Variants in AKT2 observed in about 807,000 individuals in gnomAD.
The protein encoded by AKT2 is RAC-beta serine/threonine-protein kinase.
In AKT2, 16 loss-of-function variants were observed where a neutral mutation model predicts 58.6. The ratio of observed to expected loss-of-function variants is 0.27; its 90% confidence interval spans 0.18 to 0.41. The LOEUF is 0.41. AKT2 is among the 10% of genes least tolerant of loss of function. The probability of loss-of-function intolerance (pLI) is 1.00; values close to 1 mark genes in which losing one functional copy is unlikely to be tolerated. For missense variants in AKT2, 438 were observed against 661.0 expected, an observed-to-expected ratio of 0.66 and a Z score of 3.70; for synonymous variants, 253 against 254.0, an observed-to-expected ratio of 1.00 and a Z score of 0.04.
At position 40,242,467 on chromosome 19, in the gene AKT2, G is replaced by A. The variant is rs1974472238; in HGVS notation, c.441+67C>T. Reference sequence around the variant, plus strand: ...TGAACTGTGTTATGGAAACCAAGGAGAGCAGGCCAGCACTGGGGGTGGGGG... The same window carrying A: ...TGAACTGTGTTATGGAAACCAAGGAAAGCAGGCCAGCACTGGGGGTGGGGG... On this transcript the variant is annotated intron_variant, in intron 5 of 13. Transcript: ENST00000392038. This position sits in a 1 kb window ranked among gnomAD's most constrained non-coding sequence, Gnocchi z 4.3. The A allele has an allele frequency of 1.7e-5, 28 of 1,602,514 alleles. No homozygotes were observed. Among genetic ancestry groups the A allele is most frequent in the Non-Finnish European group, 2.2e-5 (26 of 1,174,414 alleles).
intron 1 of AKT2, among the ~76,000 whole-genome samples, chr19:40,273,991 G>A (rs2077265053): frequency 6.6e-6 from 1 of 152,004 alleles, no homozygotes; most frequent in South Asian, 2.1e-4. Flanking sequence ...CCTTCTCCTG[G>A]CCCCATGAAG....
intron 2 of AKT2, among the ~76,000 whole-genome samples, chr19:40,262,756 G>T (rs565056322): frequency 3.9e-4 from 59 of 152,312 alleles, no homozygotes; most frequent in Middle Eastern, 3.4e-3. Flanking sequence ...GCTCCACAGG[G>T]CATCTATAAA....
At chr19:40,253,184 C>T (rs1295727565) in intron 4 of AKT2, among the ~76,000 whole-genome samples, 1 of 152,178 alleles carries the variant, frequency 6.6e-6, no homozygotes, top group Middle Eastern at 3.2e-3. Context: ...GCAATCGGCA[C>T]AGGCAATTGG....
rs557611072 is a variant in AKT2 at position 40,232,114 on chromosome 19, G to A, written c.*1758C>T. 3.1e-3 allele frequency: 722 copies of A among 233,380 alleles called. 1 individual carries two copies. The highest frequency in any genetic ancestry group is 4.6e-3 in the Non-Finnish European group (549 of 118,324). The allele number at this position is 233,380 out of a possible 1,614,324, so 14.5% of individuals were successfully genotyped here. On this transcript the variant is annotated 3_prime_UTR_variant, in exon 14 of 14. Coordinates refer to ENST00000392038, the MANE Select transcript of AKT2 (RefSeq NM_001626.6). ...TCTGTCCACCCCACCCCCACATGCG[G>A]GGAGCCTTCCCATACCCCTCAGCCC...
At chr19:40,279,776 C>G (rs75018496) in intron 1 of AKT2, 11,387 of 152,288 alleles carry the variant, frequency 0.075, 464 homozygotes, top group Middle Eastern at 0.15. Flanking sequence ...TCTCTGGAAG[C>G]CCAGATTCAT....
intron 4 of AKT2, among the ~76,000 whole-genome samples, chr19:40,253,177 A>G (rs1487278504): frequency 2.0e-5 from 3 of 152,190 alleles, no homozygotes; most frequent in East Asian, 3.8e-4. Flanking sequence ...AGCACAGGCA[A>G]TCGGCACAGG....
chr19:40,266,570 T>A lies in AKT2; in HGVS notation c.-84-1219A>T, dbSNP rs372825307. ...AATGATGCGAGGCTGGGAGCAGCAA[T>A]AAGGGGCTCCCCTTGCCAGCAACAT... On this transcript the variant is annotated intron_variant, in intron 1 of 13. Transcript: ENST00000392038. 5.3e-5 allele frequency among the ~76,000 whole-genome samples: 8 copies of A among 152,236 alleles called. 1 individual carries two copies. The highest frequency in any genetic ancestry group is 1.9e-4 in the African/African-American group (8 of 41,542).
chr19:40,268,683 C>G (rs1421994701), intron 1 of AKT2: 1 of 152,686 alleles, frequency 6.5e-6, no homozygotes, highest in Non-Finnish European at 1.5e-5. Flanking sequence ...GGAGTCAGCA[C>G]AGCTGGAGGG....
intron 1 of AKT2, among the ~76,000 whole-genome samples, chr19:40,284,329 A>C (rs901766412): frequency 7.2e-5 from 11 of 152,152 alleles, no homozygotes; most frequent in Non-Finnish European, 2.9e-5. Flanking sequence ...AGGCTCAGAC[A>C]ACTTCAGTGA....
Position 40,255,269 on chromosome 19 carries a change from T to G in AKT2, c.176A>C (p.Glu59Ala). 2 of 1,613,382 alleles carry G rather than the reference T, an allele frequency of 1.2e-6. No individual in the cohort carries two copies. The highest frequency in any genetic ancestry group is 1.7e-6 in the Non-Finnish European group (2 of 1,179,396). Residue 59 changes from glutamate (E) to alanine (A), a missense_variant and splice_region_variant, in exon 4 of 14, where the codon GAA becomes GCA. Physicochemically the swap from Glu to Ala is moderately radical, Grantham distance 107. This residue lies in a region of AKT2 where 244 missense variants were observed against 347.1 expected (regional missense o/e 0.70). Coordinates refer to ENST00000392038, the MANE Select transcript of AKT2 (RefSeq NM_001626.6). ...CCTCTCGGTCTTCATCAGCTGGCATTCTGCAGGCAGAGGGAACAGACAGCA... is the reference window on the plus strand; with the variant it reads ...CCTCTCGGTCTTCATCAGCTGGCATGCTGCAGGCAGAGGGAACAGACAGCA... Reference protein sequence around the residue: ...LPPLNNFSVAECQLMKTERPR... With the variant: ...LPPLNNFSVAACQLMKTERPR...
rs1568526119 is a variant in AKT2, at chr19:40,240,095, T to C, written c.589A>G (p.Thr197Ala). Residue 197 changes from threonine to alanine, a missense_variant, in exon 7 of 14, where the codon ACA (threonine) becomes GCA (alanine). Physicochemically the swap from Thr to Ala is moderately conservative, Grantham distance 58. Coordinates refer to ENST00000392038, the MANE Select transcript of AKT2 (RefSeq NM_001626.6). ...VIIAKDEVAH[T>A]VTESRVLQNT... Reference sequence around the variant, plus strand: ...TGGAGGACCCGGCTCTCGGTGACTGTGTGAGCGACTTCATCCTGCAGACAG... The same window carrying C: ...TGGAGGACCCGGCTCTCGGTGACTGCGTGAGCGACTTCATCCTGCAGACAG... 1.2e-6 allele frequency: 2 copies of C among 1,613,988 alleles called. No homozygotes were observed. Among genetic ancestry groups the C allele is most frequent in the East Asian group, 2.2e-5 (1 of 44,870 alleles).
At chr19:40,251,346 G>A (rs1221078124) in intron 4 of AKT2, among the ~76,000 whole-genome samples, 1 of 152,154 alleles carries the variant, frequency 6.6e-6, no homozygotes, top group Non-Finnish European at 1.5e-5. Flanking sequence ...GACTATTCAT[G>A]AACAAATGGA....
intron 1 of AKT2, among the ~76,000 whole-genome samples, chr19:40,276,855 G>A (rs1312809653): frequency 6.6e-6 from 1 of 152,058 alleles, no homozygotes; most frequent in African/African-American, 2.4e-5. Context: ...CATCTCTACT[G>A]AAAATTGTTT....
At chr19:40,246,175 T>A (rs1974743061) in intron 4 of AKT2, among the ~76,000 whole-genome samples, 1 of 152,060 alleles carries the variant, frequency 6.6e-6, no homozygotes, top group South Asian at 2.1e-4. Context: ...TTTCTTTTTG[T>A]TTTTGGAGAC....
At chr19:40,273,885 C>T (rs11669332) in intron 1 of AKT2, among the ~76,000 whole-genome samples, 17,312 of 152,154 alleles carry the variant, frequency 0.11, 1,431 homozygotes, top group African/African-American at 0.23. Context: ...CCATGGATCA[C>T]GTCCAAGGCC....
chr19:40,261,405 C>T (rs1303836837), intron 2 of AKT2, among the ~76,000 whole-genome samples: 1 of 151,810 alleles, frequency 6.6e-6, no homozygotes, highest in Non-Finnish European at 1.5e-5. Flanking sequence ...TGGTGGCACA[C>T]GCCTGTAATC....
At chr19:40,241,848 G>C in intron 6 of AKT2, 90 bp downstream of exon 6, 1 of 1,580,752 alleles carries the variant, frequency 6.3e-7, no homozygotes, top group South Asian at 1.1e-5. Context: ...CACAGCAGCA[G>C]AAAGCGCGGG....
intron 4 of AKT2, among the ~76,000 whole-genome samples, chr19:40,244,933 C>T (rs1248598130): frequency 6.6e-6 from 1 of 152,252 alleles, no homozygotes; most frequent in Non-Finnish European, 1.5e-5. Flanking sequence ...GAAACTACTT[C>T]TATTTCCATC....
chr19:40,257,162 G>A, intron 2 of AKT2, 108 bp from the exon 3 acceptor site: 2 of 1,433,328 alleles, frequency 1.4e-6, no homozygotes, highest in Non-Finnish European at 1.9e-6. Context: ...GGGTACCACG[G>A]GGCGGGGAGG....
Sources: gnomAD v4.1 joint callset for allele counts (sites outside exome capture counted in the v4.1 genomes callset) on GRCh38, gnomAD v4.1.1 for gene constraint, gnomAD v4.1.1 regional missense constraint, Gnocchi (gnomAD v3.1) non-coding constraint, MANE v1.5 for transcripts, NCBI Gene and HGNC (gene_info 2026-07-23, HGNC 2026-07-21) for gene names.